The following PARD3B variants were observed in gnomAD, a reference collection of about 807,000 sequenced individuals.
PARD3B encodes par-3 family cell polarity regulator beta.
Under a neutral mutation model 130.2 loss-of-function variants are expected in PARD3B, and 103 were observed. That is an observed-to-expected ratio of 0.79 (90% CI 0.67 to 0.93). The LOEUF (loss-of-function observed/expected upper bound fraction) is 0.93, where lower values mean the gene tolerates loss of function less well. Among genes scored for constraint, PARD3B ranks in the 40% least tolerant of loss-of-function variants. The pLI, the probability that PARD3B is intolerant of heterozygous loss-of-function variation, is 0.00. For synonymous variants in PARD3B, 583 were observed against 553.2 expected, an observed-to-expected ratio of 1.05 and a Z score of -0.76; for missense variants, 1,609 against 1,499.2, an observed-to-expected ratio of 1.07 and a Z score of -1.21.
intron 19 of PARD3B, among the ~76,000 whole-genome samples, chr2:205,425,107 T>C (rs1319176703): frequency 6.6e-6 from 1 of 152,204 alleles, no homozygotes; most frequent in Non-Finnish European, 1.5e-5. Flanking sequence ...TCATTTAATG[T>C]CTTCAACACT....
chr2:204,590,840 TA>T (rs1207675707), intron 1 of PARD3B, among the ~76,000 whole-genome samples: 1 of 152,218 alleles, frequency 6.6e-6, no homozygotes, highest in African/African-American at 2.4e-5. Flanking sequence ...CATTCTTTGC[TA>T]AAAACCCTGA....
At chr2:205,053,201 C>T (rs935881566) in intron 4 of PARD3B, among the ~76,000 whole-genome samples, 2 of 151,794 alleles carry the variant, frequency 1.3e-5, no homozygotes, top group Non-Finnish European at 2.9e-5. Flanking sequence ...GTCAGTATTG[C>T]CCCTGTATTA....
intron 15 of PARD3B, among the ~76,000 whole-genome samples, chr2:205,221,752 GTC>G (rs941340367): frequency 7.2e-5 from 11 of 151,794 alleles, no homozygotes; most frequent in Admixed American, 2.0e-4. Flanking sequence ...GTCTGTCTCC[GTC>G]TCTGTCTTAT....
chr2:205,419,302 T>C (rs1195579588), intron 19 of PARD3B, among the ~76,000 whole-genome samples: 1 of 129,282 alleles, frequency 7.7e-6, no homozygotes, highest in Admixed American at 8.6e-5. Flanking sequence ...CCACCATCCA[T>C]GTAAGATGTG....
intron 2 of PARD3B, among the ~76,000 whole-genome samples, chr2:204,961,704 G>A (rs1443658875): frequency 6.6e-6 from 1 of 152,136 alleles, no homozygotes; most frequent in Non-Finnish European, 1.5e-5. Flanking sequence ...AAACTTGATG[G>A]GGGCCCAGAG....
intron 20 of PARD3B, among the ~76,000 whole-genome samples, chr2:205,490,673 T>C (rs2049666742): frequency 6.6e-6 from 1 of 152,226 alleles, no homozygotes; most frequent in Non-Finnish European, 1.5e-5. Context: ...TCTAGATCCC[T>C]GAGGAATCGC....
At chr2:205,327,707 CAA>C (rs1258886713) in intron 18 of PARD3B, among the ~76,000 whole-genome samples, 1 of 152,092 alleles carries the variant, frequency 6.6e-6, no homozygotes, top group African/African-American at 2.4e-5. Context: ...CCTTTTCAAA[CAA>C]AGAGAAAGAG....
At chr2:204,730,564 A>G (rs1183244919) in intron 2 of PARD3B, among the ~76,000 whole-genome samples, 1 of 145,312 alleles carries the variant, frequency 6.9e-6, no homozygotes, top group Non-Finnish European at 1.5e-5. Flanking sequence ...TTGCAGACAG[A>G]TGCAGGGGTA....
chr2:204,731,599 A>T (rs1334397225), intron 2 of PARD3B, among the ~76,000 whole-genome samples: 3 of 152,200 alleles, frequency 2.0e-5, no homozygotes, highest in Admixed American at 2.0e-4. Context: ...GGATTTGTTC[A>T]GTAGAGAACT....
chr2:205,540,228 AT>A (rs1427836529), intron 21 of PARD3B, among the ~76,000 whole-genome samples: 10 of 151,968 alleles, frequency 6.6e-5, no homozygotes, highest in Non-Finnish European at 7.4e-5. Context: ...CAAGAGCATA[AT>A]AAAAAAAAAA....
Position 205,439,801 on chromosome 2 carries a change from C to A in PARD3B, c.2742-569C>A, listed in dbSNP as rs199732565. On this transcript the variant is annotated intron_variant, in intron 19 of 22. Transcript: ENST00000406610. ...GACACAATAATCCCCATTTGTATAACCAAAAAACTTAGAGTCTCTTGTAAA... is the reference window on the plus strand; with the variant it reads ...GACACAATAATCCCCATTTGTATAAACAAAAAACTTAGAGTCTCTTGTAAA... Among the ~76,000 whole-genome samples, 6 of 152,246 alleles carry A rather than the reference C, an allele frequency of 3.9e-5. No individual in the cohort carries two copies. In the East Asian group the frequency reaches 1.2e-3, roughly 29 times the overall value.
chr2:205,283,587 C>A (rs1262750872), intron 16 of PARD3B, among the ~76,000 whole-genome samples: 1 of 152,092 alleles, frequency 6.6e-6, no homozygotes, highest in Non-Finnish European at 1.5e-5. Flanking sequence ...TTTTCTGTGA[C>A]CTTATTTGAA....
chr2:204,870,723 A>G (rs1480939176), intron 2 of PARD3B, among the ~76,000 whole-genome samples: 3 of 152,224 alleles, frequency 2.0e-5, no homozygotes, highest in African/African-American at 7.2e-5. Flanking sequence ...TTGAATAAAA[A>G]TAATACACAA....
rs961776688 is a variant in PARD3B, at chr2:204,604,815, T to TA, written c.120+58697dup. 4.3e-4 allele frequency among the ~76,000 whole-genome samples: 65 copies of TA among 152,324 alleles called. 1 individual carries two copies. The Middle Eastern group carries it at 0.017, about 40-fold the overall frequency. Reference sequence around the variant, plus strand: ...ATGTATTGCCTTAACATATTTATTTTATGATATCTCTTGGGCTTGTGGGTC... The same window carrying TA: ...ATGTATTGCCTTAACATATTTATTTTAATGATATCTCTTGGGCTTGTGGGTC... On this transcript the variant is annotated intron_variant, in intron 1 of 22. Coordinates refer to ENST00000406610, the MANE Select transcript of PARD3B (RefSeq NM_001302769.2).
At chr2:205,370,056 C>T (rs191897347) in intron 18 of PARD3B, among the ~76,000 whole-genome samples, 3 of 152,254 alleles carry the variant, frequency 2.0e-5, no homozygotes, top group African/African-American at 4.8e-5. Context: ...TCCCCAAGGA[C>T]GTGCCTTCAG....
intron 21 of PARD3B, among the ~76,000 whole-genome samples, chr2:205,523,255 A>G (rs2051171952): frequency 6.8e-6 from 1 of 147,386 alleles, no homozygotes; most frequent in Admixed American, 6.8e-5. Context: ...ATATATATAT[A>G]TATTTTTGAG....
chr2:205,385,621 C>T (rs1379482873), intron 18 of PARD3B, among the ~76,000 whole-genome samples: 10 of 152,018 alleles, frequency 6.6e-5, no homozygotes, highest in Non-Finnish European at 7.4e-5. Context: ...CATCTCGCCA[C>T]GCTAATCTCT....
At chr2:205,495,237 T>A (rs1204581204) in intron 20 of PARD3B, among the ~76,000 whole-genome samples, 1 of 152,224 alleles carries the variant, frequency 6.6e-6, no homozygotes, top group East Asian at 1.9e-4. Flanking sequence ...TACATCTGCC[T>A]TTAAAGGCAT....
chr2:205,467,393 G>C (rs1275808245), intron 20 of PARD3B, among the ~76,000 whole-genome samples: 1 of 152,120 alleles, frequency 6.6e-6, no homozygotes, highest in Non-Finnish European at 1.5e-5. Flanking sequence ...ACCCAGCTTG[G>C]TGTCACAACA....
Sources: allele counts gnomAD v4.1 joint callset (sites outside exome capture counted in the v4.1 genomes callset), GRCh38; gene constraint gnomAD v4.1.1; transcripts MANE v1.5; gene names NCBI Gene and HGNC (gene_info 2026-07-23, HGNC 2026-07-21).